Variants in CNTN4 observed in about 807,000 individuals in gnomAD.
CNTN4 encodes the protein contactin-4.
In CNTN4, 77 loss-of-function variants were observed where a neutral mutation model predicts 122.5. That is an observed-to-expected ratio of 0.63 (90% CI 0.52 to 0.76). The LOEUF (loss-of-function observed/expected upper bound fraction) is 0.76, where lower values mean the gene tolerates loss of function less well. CNTN4 is among the 30% of genes least tolerant of loss of function. The pLI is 0.00. For missense variants in CNTN4, 1,256 were observed against 1,259.1 expected, an observed-to-expected ratio of 1.00 and a Z score of 0.04; for synonymous variants, 512 against 447.0, an observed-to-expected ratio of 1.15 and a Z score of -1.83.
intron 23 of CNTN4, among the ~76,000 whole-genome samples, chr3:3,044,526 G>C (rs1700445565): frequency 6.6e-6 from 1 of 152,196 alleles, no homozygotes; most frequent in Non-Finnish European, 1.5e-5. Context: ...CTTCCTCACA[G>C]TATGGTGACC....
chr3:2,622,505 C>T (rs2082028853), intron 4 of CNTN4, among the ~76,000 whole-genome samples: 1 of 152,002 alleles, frequency 6.6e-6, no homozygotes, highest in African/African-American at 2.4e-5. Context: ...TGGTCTCGAA[C>T]TCCTGACCTC....
chr3:2,735,775 G>A (rs2089041137), intron 4 of CNTN4: 1 of 352,472 alleles, frequency 2.8e-6, no homozygotes, highest in African/African-American at 2.1e-5. Flanking sequence ...CTTATTTACA[G>A]TATCGTCCTT....
intron 4 of CNTN4, among the ~76,000 whole-genome samples, chr3:2,687,575 A>T (rs1559388158): frequency 6.6e-6 from 1 of 152,160 alleles, no homozygotes; most frequent in Non-Finnish European, 1.5e-5. Flanking sequence ...GCTTGTCCTC[A>T]AGAGGTGGAG....
intron 4 of CNTN4, among the ~76,000 whole-genome samples, chr3:2,704,647 A>T (rs2149279407): frequency 6.6e-6 from 1 of 152,344 alleles, no homozygotes; most frequent in East Asian, 1.9e-4. Context: ...GTTCAAAAAC[A>T]GATTACTATT....
chr3:2,423,406 C>G (rs2047684941), intron 3 of CNTN4, among the ~76,000 whole-genome samples: 1 of 151,710 alleles, frequency 6.6e-6, no homozygotes, highest in Admixed American at 6.6e-5. Context: ...GAACATTGAT[C>G]ATGCTCATCC....
At chr3:3,002,363 G>C (rs546293108) in intron 14 of CNTN4, among the ~76,000 whole-genome samples, 3 of 152,170 alleles carry the variant, frequency 2.0e-5, no homozygotes, top group African/African-American at 7.2e-5. Context: ...CTTCCTCTTG[G>C]CTAATTTACC....
intron 4 of CNTN4, among the ~76,000 whole-genome samples, chr3:2,648,405 A>C (rs2083222572): frequency 6.6e-6 from 1 of 152,162 alleles, no homozygotes; most frequent in Non-Finnish European, 1.5e-5. Context: ...GCATGTGCTT[A>C]CTTTGTATCT....
At chr3:3,016,316 C>A (rs1432073837) in intron 14 of CNTN4, among the ~76,000 whole-genome samples, 1 of 152,086 alleles carries the variant, frequency 6.6e-6, no homozygotes, top group East Asian at 1.9e-4. Context: ...CATATACCCC[C>A]CTTCCCTCTT....
chr3:2,805,204 CTG>C (rs1183665435), intron 6 of CNTN4, among the ~76,000 whole-genome samples: 1 of 150,436 alleles, frequency 6.6e-6, no homozygotes, highest in East Asian at 1.9e-4. Flanking sequence ...AGTTGCTGCA[CTG>C]TGTAGCATCC....
In CNTN4 at chr3:3,042,310, A is replaced by T; in HGVS notation, c.2399A>T (p.Glu800Val). The change falls in exon 21 of 25, where the codon GAA becomes GTA. Residue 800 changes from glutamate to valine, a missense_variant and splice_region_variant. Coordinates refer to ENST00000418658, the MANE Select transcript of CNTN4 (RefSeq NM_175607.3). ...TAACTATCTCCATATTCATCTACAG[A>T]ACCCACCAAACCACCAGCCAGTATC... ...PTTVVYSAEE[E>V]PTKPPASIFA... 1 of 1,612,020 alleles carries T rather than the reference A, an allele frequency of 6.2e-7. No individual in the cohort carries two copies.
At chr3:3,053,343 C>A (rs60958868) in intron 23 of CNTN4, among the ~76,000 whole-genome samples, 611 of 152,276 alleles carry the variant, frequency 4.0e-3, no homozygotes, top group African/African-American at 0.014. Flanking sequence ...CCTCCTTGTG[C>A]AATCTTGAAA....
intron 4 of CNTN4, among the ~76,000 whole-genome samples, chr3:2,659,883 A>C (rs900220181): frequency 6.6e-6 from 1 of 152,228 alleles, no homozygotes; most frequent in Non-Finnish European, 1.5e-5. Context: ...TTCTTAAAAC[A>C]TTGCTCCTGT....
Position 2,463,235 on chromosome 3 carries a change from C to T in CNTN4, c.-88-108181C>T, listed in dbSNP as rs11922417. ...AAAAAAAAAACACTTGACTTTAAGACTACTAATAAAACTGTAAAATAAGAG... is the reference window on the plus strand; with the variant it reads ...AAAAAAAAAACACTTGACTTTAAGATTACTAATAAAACTGTAAAATAAGAG... On this transcript the variant is annotated intron_variant, in intron 3 of 24. Transcript: ENST00000418658. Among the ~76,000 whole-genome samples, 1,213 of 151,510 alleles carry T rather than the reference C, an allele frequency of 8.0e-3. 28 individuals are homozygous for T. The highest frequency in any genetic ancestry group is 0.027 in the African/African-American group (1,128 of 41,378).
intron 8 of CNTN4, among the ~76,000 whole-genome samples, chr3:2,881,080 TC>T (rs1308267214): frequency 2.6e-5 from 4 of 152,192 alleles, no homozygotes; most frequent in African/African-American, 9.6e-5. Flanking sequence ...ACTATTATGT[TC>T]GAGTTTGCAC....
chr3:2,362,317 C>G (rs904880005), intron 3 of CNTN4: 1 of 227,920 alleles, frequency 4.4e-6, no homozygotes, highest in African/African-American at 2.3e-5. Context: ...ATGGCGGCCC[C>G]AGGGCTGCGC....
At chr3:2,386,216 C>T (rs2046252172) in intron 3 of CNTN4, among the ~76,000 whole-genome samples, 1 of 151,312 alleles carries the variant, frequency 6.6e-6, no homozygotes, top group African/African-American at 2.4e-5. Context: ...TGAATTCAAA[C>T]TCTGAATTCA....
intron 3 of CNTN4, among the ~76,000 whole-genome samples, chr3:2,556,665 T>C (rs2078734277): frequency 7.0e-6 from 1 of 143,622 alleles, no homozygotes; most frequent in Non-Finnish European, 1.5e-5. Context: ...CACAAACATA[T>C]AAAAATCACA....
chr3:3,047,769 A>G (rs1265942992), intron 23 of CNTN4, among the ~76,000 whole-genome samples: 1 of 151,294 alleles, frequency 6.6e-6, no homozygotes, highest in Non-Finnish European at 1.5e-5. Flanking sequence ...GCAAGAAATA[A>G]CTAAGATCAG....
At position 2,287,690 on chromosome 3, in the gene CNTN4, AGAGGAAGAAGAAGAAGAAGAG is replaced by A. The variant is rs759362194; in HGVS notation, c.-144-51485_-144-51465del. On this transcript the variant is annotated intron_variant, in intron 2 of 24. Coordinates refer to ENST00000418658, the MANE Select transcript of CNTN4 (RefSeq NM_175607.3). ...AAGAAGAAGAAGAAGAAGAAGAAGAAGAGGAAGAAGAAGAAGAAGAGGAAGAAGAAGAAGAAGAAGAAGAAG... is the reference window on the plus strand; with the variant it reads ...AAGAAGAAGAAGAAGAAGAAGAAGAAGAAGAAGAAGAAGAAGAAGAAGAAG... Among the ~76,000 whole-genome samples, 82 of 82,470 alleles carry A rather than the reference AGAGGAAGAAGAAGAAGAAGAG, an allele frequency of 9.9e-4. 3 individuals carry two copies. Among genetic ancestry groups the A allele is most frequent in the African/African-American group, 3.3e-3 (72 of 22,058 alleles). 54.1% of individuals were successfully genotyped at this position (82,470 alleles called of 152,430 possible). A position where few individuals can be genotyped will look rare whatever the true frequency, so the allele number is the denominator to read the frequency against.
Sources: allele counts gnomAD v4.1 joint callset (sites outside exome capture counted in the v4.1 genomes callset), GRCh38; gene constraint gnomAD v4.1.1; transcripts MANE v1.5; gene names NCBI Gene and HGNC (gene_info 2026-07-23, HGNC 2026-07-21).